ERBB4: variants seen among roughly 807,000 people sequenced by gnomAD.
ERBB4 encodes the protein erb-b2 receptor tyrosine kinase 4.
ERBB4 carries 42 observed loss-of-function variants against 158.0 expected under a neutral mutation model. The ratio of observed to expected loss-of-function variants is 0.27; its 90% CI spans 0.21 to 0.34. The LOEUF is 0.34. ERBB4 is among the 10% of genes least tolerant of loss of function. The pLI, the probability that ERBB4 is intolerant of heterozygous loss-of-function variation, is 1.00. For missense variants in ERBB4, 1,333 were observed against 1,624.1 expected, an observed-to-expected ratio of 0.82 and a Z score of 3.08; for synonymous variants, 583 against 558.7, an observed-to-expected ratio of 1.04 and a Z score of -0.61.
intron 1 of ERBB4, among the ~76,000 whole-genome samples, chr2:212,191,575 TTATG>T (rs1253599282): frequency 4.3e-4 from 21 of 48,348 alleles, no homozygotes; most frequent in African/African-American, 1.2e-3. Flanking sequence ...AACACATGTG[TTATG>T]CCTGTTATAT....
At chr2:211,689,989 A>G (rs2072735780) in intron 12 of ERBB4, among the ~76,000 whole-genome samples, 1 of 149,880 alleles carries the variant, frequency 6.7e-6, no homozygotes, top group African/African-American at 2.4e-5. Flanking sequence ...CTTCAATTAC[A>G]GATAATTTTA....
At chr2:212,074,066 A>G (rs149908371) in intron 2 of ERBB4, among the ~76,000 whole-genome samples, 135 of 152,148 alleles carry the variant, frequency 8.9e-4, no homozygotes, top group African/African-American at 3.1e-3. Flanking sequence ...CCATTGGCCT[A>G]TGTACATTCT....
intron 3 of ERBB4, among the ~76,000 whole-genome samples, chr2:211,792,842 G>A (rs2076306087): frequency 1.3e-5 from 2 of 151,800 alleles, no homozygotes; most frequent in African/African-American, 4.8e-5. Flanking sequence ...GGAAATGTTT[G>A]TGTTATTTAA....
At chr2:211,553,268 C>G (rs979249313) in intron 20 of ERBB4, among the ~76,000 whole-genome samples, 1 of 152,012 alleles carries the variant, frequency 6.6e-6, no homozygotes, top group Non-Finnish European at 1.5e-5. Flanking sequence ...CACGCCCAGC[C>G]CAATAATACA....
At chr2:212,333,614 A>C (rs1309375142) in intron 1 of ERBB4, among the ~76,000 whole-genome samples, 2 of 151,372 alleles carry the variant, frequency 1.3e-5, no homozygotes, top group African/African-American at 4.9e-5. Flanking sequence ...GGATTGCTTG[A>C]GCCCAGGATA....
chr2:211,676,813 TATTA>T (rs35323999), intron 13 of ERBB4, among the ~76,000 whole-genome samples: 86,701 of 151,478 alleles, frequency 0.57, 25,832 homozygotes, highest in African/African-American at 0.71. Context: ...CATTTTAATT[TATTA>T]GTCTATTGTG....
At chr2:212,005,992 T>A (rs900726139) in intron 2 of ERBB4, among the ~76,000 whole-genome samples, 1 of 118,940 alleles carries the variant, frequency 8.4e-6, no homozygotes, top group African/African-American at 2.8e-5. Context: ...TCTATAAAAC[T>A]ATGGCCTGCC....
At chr2:211,819,980 C>A (rs527323418) in intron 3 of ERBB4, among the ~76,000 whole-genome samples, 1 of 151,884 alleles carries the variant, frequency 6.6e-6, no homozygotes, top group Admixed American at 6.6e-5. Flanking sequence ...AGATGAGACC[C>A]ACCAGATTGG....
rs1439665346 is a variant in ERBB4, at chr2:212,316,498, T to C, written c.83-191595A>G. Among the ~76,000 whole-genome samples, 5 of 151,534 alleles carry C rather than the reference T, an allele frequency of 3.3e-5. No homozygotes were observed. In the East Asian group the frequency reaches 7.8e-4, roughly 24 times the overall value. On this transcript the variant is annotated intron_variant, in intron 1 of 27. Transcript: ENST00000342788. The stretch of plus-strand genomic sequence containing the variant: ...TCAGCCTGGCATTCATCAAGCTGCA[T>C]GGAAATTCGCATTCACGCTAAGTAA...
intron 2 of ERBB4, among the ~76,000 whole-genome samples, chr2:212,082,880 T>G (rs1370535084): frequency 6.6e-6 from 1 of 152,024 alleles, no homozygotes; most frequent in African/African-American, 2.4e-5. Context: ...GAAATTTCCT[T>G]CTCTGGTCCT....
chr2:212,484,809 C>A (rs1689891258), intron 1 of ERBB4, among the ~76,000 whole-genome samples: 1 of 152,188 alleles, frequency 6.6e-6, no homozygotes, highest in African/African-American at 2.4e-5. Flanking sequence ...GTTTCTAAAA[C>A]TTCATTTTCA....
At chr2:211,653,578 T>C (rs981069706) in intron 16 of ERBB4, among the ~76,000 whole-genome samples, 98 of 151,338 alleles carry the variant, frequency 6.5e-4, no homozygotes, top group African/African-American at 2.3e-3. Flanking sequence ...CACATTGACA[T>C]GCTCAATGTA....
chr2:211,488,632 A>G (rs879655580), intron 20 of ERBB4, among the ~76,000 whole-genome samples: 3 of 152,150 alleles, frequency 2.0e-5, no homozygotes, highest in Non-Finnish European at 4.4e-5. Flanking sequence ...ATAAAATATT[A>G]CAAACTTTTT....
At chr2:211,969,536 A>C (rs532200901) in intron 2 of ERBB4, among the ~76,000 whole-genome samples, 2 of 152,000 alleles carry the variant, frequency 1.3e-5, no homozygotes, top group Non-Finnish European at 2.9e-5. Context: ...GAAGCTCTTT[A>C]AGTGTGGTTG....
chr2:211,571,430 C>T (rs545217155), intron 19 of ERBB4, among the ~76,000 whole-genome samples: 8 of 151,976 alleles, frequency 5.3e-5, no homozygotes, highest in African/African-American at 9.6e-5. Flanking sequence ...TTTTTTCTCT[C>T]GAGATAAAAA....
At chr2:212,446,636 T>TATCC in intron 1 of ERBB4, among the ~76,000 whole-genome samples, 1 of 101,734 alleles carries the variant, frequency 9.8e-6, no homozygotes, top group East Asian at 3.0e-4. Context: ...TATATATATA[T>TATCC]ATCCTATTAG....
chr2:212,330,121 A>C (rs548103268), intron 1 of ERBB4, among the ~76,000 whole-genome samples: 2 of 152,084 alleles, frequency 1.3e-5, no homozygotes, highest in Non-Finnish European at 2.9e-5. Context: ...TTAAGCTTTG[A>C]TTTGGCCACT....
intron 2 of ERBB4, among the ~76,000 whole-genome samples, chr2:212,057,868 G>A (rs918929848): frequency 1.3e-5 from 2 of 152,156 alleles, no homozygotes; most frequent in Non-Finnish European, 2.9e-5. Context: ...ACAATTAAAA[G>A]AACTGGAGAA....
intron 20 of ERBB4, among the ~76,000 whole-genome samples, chr2:211,559,450 T>C (rs977809622): frequency 2.1e-4 from 32 of 152,354 alleles, no homozygotes; most frequent in African/African-American, 7.2e-4. Context: ...GACTTTTCTG[T>C]GCCTGTTGTC....
Sources: gnomAD v4.1 joint callset for allele counts (sites outside exome capture counted in the v4.1 genomes callset) on GRCh38, gnomAD v4.1.1 for gene constraint, MANE v1.5 for transcripts, NCBI Gene and HGNC (gene_info 2026-07-23, HGNC 2026-07-21) for gene names.